Variants in CRISP1 observed in about 807,000 individuals in gnomAD.
The protein encoded by CRISP1 is cysteine rich secretory protein 1, also known as cysteine-rich secretory protein 1.
CRISP1 carries 44 observed loss-of-function variants against 33.1 expected under a neutral mutation model. That is an observed-to-expected ratio of 1.33 (90% CI 1.05 to 1.71). The LOEUF (loss-of-function observed/expected upper bound fraction) is 1.71. CRISP1 is among the 40% of genes most tolerant of loss of function. The pLI is 0.00. For missense variants in CRISP1, 390 were observed against 301.2 expected (o/e 1.29, Z -2.18); for synonymous variants, 103 against 98.7 (o/e 1.04, Z -0.26).
chr6:49,853,235 A>G (rs1771403193), intron 2 of CRISP1, among the ~76,000 whole-genome samples: 1 of 152,136 alleles, frequency 6.6e-6, no homozygotes, highest in South Asian at 2.1e-4. Flanking sequence ...CTATTTCCAG[A>G]TTACAACTCT....
At chr6:49,845,453 G>T (rs1371832284) in intron 5 of CRISP1, among the ~76,000 whole-genome samples, 2 of 152,216 alleles carry the variant, frequency 1.3e-5, no homozygotes, top group African/African-American at 4.8e-5. Context: ...GTGGTATTTT[G>T]TTATGGCATC....
At chr6:49,870,495 G>A (rs1031206442), upstream of CRISP1, among the ~76,000 whole-genome samples, 4 of 152,134 alleles carry the variant, frequency 2.6e-5, no homozygotes, top group Admixed American at 2.0e-4. Flanking sequence ...GTGGCCTCAG[G>A]TATTGAAACA....
intron 1 of CRISP1, among the ~76,000 whole-genome samples, chr6:49,873,843 C>T (rs1217471626): frequency 6.6e-6 from 1 of 151,914 alleles, no homozygotes; most frequent in Admixed American, 6.6e-5. Flanking sequence ...TTTATTTCTC[C>T]AGTTTCATTT....
At chr6:49,874,836 G>T (rs990695408) in intron 1 of CRISP1, among the ~76,000 whole-genome samples, 20 of 151,866 alleles carry the variant, frequency 1.3e-4, no homozygotes, top group African/African-American at 4.8e-4. Flanking sequence ...TGCAGAAAAG[G>T]CCTTTGTTAA....
At chr6:49,842,735 T>C (rs970021788) in intron 5 of CRISP1, among the ~76,000 whole-genome samples, 1 of 152,054 alleles carries the variant, frequency 6.6e-6, no homozygotes, top group African/African-American at 2.4e-5. Flanking sequence ...TTAGGTGAAA[T>C]GAAGTTCCCA....
In CRISP1 at chr6:49,840,967, C is replaced by T. The variant is rs143504230; in HGVS notation, c.464G>A (p.Gly155Asp). 97 of 1,613,820 alleles carry T rather than the reference C, an allele frequency of 6.0e-5. No homozygotes were observed. In the African/African-American group the frequency reaches 1.1e-3, roughly 18 times the overall value. ...TTGGCGGCAAGATGCAATGGCACAG[C>T]CAATCAGGTAAGATGTGGCCCAAAC... ...QIVWATSYLI[G>D]CAIASCRQQG... Residue 155 changes from glycine to aspartate, a missense_variant, in exon 6 of 8, where the codon GGC (glycine) becomes GAC (aspartate). Transcript: ENST00000335847.
upstream of CRISP1, among the ~76,000 whole-genome samples, chr6:49,868,726 C>T (rs1771856938): frequency 6.6e-6 from 1 of 152,082 alleles, no homozygotes; most frequent in Non-Finnish European, 1.5e-5. Context: ...TACAACAATC[C>T]CATTTGTGTC....
intron 6 of CRISP1, among the ~76,000 whole-genome samples, chr6:49,840,367 T>C (rs1770943715): frequency 1.3e-5 from 2 of 152,190 alleles, no homozygotes; most frequent in Non-Finnish European, 2.9e-5. Flanking sequence ...GTAACATGTA[T>C]ATTTAATTTT....
chr6:49,848,905 C>CA (rs564253259), intron 3 of CRISP1, among the ~76,000 whole-genome samples: 722 of 147,858 alleles, frequency 4.9e-3, no homozygotes, highest in Non-Finnish European at 7.2e-3. Flanking sequence ...GGCAACTCTA[C>CA]AAAAAAAAAA....
chr6:49,856,659 T>G (rs1771505502), intron 2 of CRISP1, among the ~76,000 whole-genome samples: 1 of 152,184 alleles, frequency 6.6e-6, no homozygotes, highest in Admixed American at 6.6e-5. Context: ...ACTCATTTTC[T>G]ATACCAAAGT....
chr6:49,841,117 T>C (rs2127469797), intron 5 of CRISP1, 122 bp from the exon 6 acceptor site: 1 of 833,866 alleles, frequency 1.2e-6, no homozygotes, highest in East Asian at 2.7e-5. Flanking sequence ...TGGGCATGGC[T>C]TAATAAGAAG....
At chr6:49,868,562 T>C (rs1465195093), upstream of CRISP1, among the ~76,000 whole-genome samples, 2 of 152,174 alleles carry the variant, frequency 1.3e-5, no homozygotes, top group African/African-American at 4.8e-5. Flanking sequence ...ATATAATACA[T>C]GTTGAAGGAA....
intron 1 of CRISP1, among the ~76,000 whole-genome samples, chr6:49,865,241 G>A (rs1202995931): frequency 1.3e-5 from 2 of 152,108 alleles, no homozygotes; most frequent in Non-Finnish European, 1.5e-5. Flanking sequence ...ATTGAGTGGG[G>A]AAAGGATGAT....
chr6:49,873,180 TA>T (rs1036740950), intron 1 of CRISP1, among the ~76,000 whole-genome samples: 1 of 151,222 alleles, frequency 6.6e-6, no homozygotes, highest in African/African-American at 2.4e-5. Flanking sequence ...AAAATAAAAA[TA>T]AAAAAATAAA....
chr6:49,857,940 G>A (rs541274271), intron 1 of CRISP1, among the ~76,000 whole-genome samples: 1 of 152,270 alleles, frequency 6.6e-6, no homozygotes, highest in Non-Finnish European at 1.5e-5. Flanking sequence ...TTTCCCTGTT[G>A]ACATTCTGAT....
chr6:49,870,815 G>A (rs756037304), upstream of CRISP1, among the ~76,000 whole-genome samples: 3 of 152,064 alleles, frequency 2.0e-5, no homozygotes, highest in Non-Finnish European at 2.9e-5. Flanking sequence ...TAACAAAATA[G>A]GCCAGGCGTG....
chr6:49,837,856 C>G (rs3799689), intron 7 of CRISP1, among the ~76,000 whole-genome samples: 44,956 of 150,908 alleles, frequency 0.3, 7,166 homozygotes, highest in East Asian at 0.61. Context: ...GAAATGGCAC[C>G]CATTTGGCTA....
At chr6:49,851,771 T>C (rs1196002342) in intron 3 of CRISP1, among the ~76,000 whole-genome samples, 3 of 152,124 alleles carry the variant, frequency 2.0e-5, no homozygotes, top group Non-Finnish European at 4.4e-5. Context: ...AGAAGCACTG[T>C]CTTAGGGTGT....
At chr6:49,864,643 A>T (rs1168061025) in intron 1 of CRISP1, among the ~76,000 whole-genome samples, 1 of 152,006 alleles carries the variant, frequency 6.6e-6, no homozygotes, top group Admixed American at 6.6e-5. Context: ...TTTAATTTAT[A>T]TTTGTTTAAT....
Sources: allele counts gnomAD v4.1 joint callset (sites outside exome capture counted in the v4.1 genomes callset), GRCh38; gene constraint gnomAD v4.1.1; transcripts MANE v1.5; gene names NCBI Gene and HGNC (gene_info 2026-07-23, HGNC 2026-07-21).